The following SLC4A10 variants were observed in gnomAD, a reference collection of about 807,000 sequenced individuals.
SLC4A10 encodes solute carrier family 4 member 10.
A neutral mutation model predicts 137.7 loss-of-function variants in SLC4A10; 42 were observed. The ratio of observed to expected loss-of-function variants is 0.30; its 90% CI spans 0.24 to 0.39. The LOEUF (loss-of-function observed/expected upper bound fraction) is 0.39, where lower values mean the gene tolerates loss of function less well. SLC4A10 is among the 10% of genes least tolerant of loss of function. The pLI is 1.00. For synonymous variants in SLC4A10, 474 were observed against 464.1 expected, an observed-to-expected ratio of 1.02 and a Z score of -0.27; for missense variants, 925 against 1,355.0, an observed-to-expected ratio of 0.68 and a Z score of 4.98.
rs530393431 is a variant in SLC4A10, at chr2:161,936,959, G to T, written c.1998-5833G>T. Among the ~76,000 whole-genome samples, 45 of 152,212 alleles carry T rather than the reference G, an allele frequency of 3.0e-4. No homozygotes were observed. The East Asian group carries it at 6.7e-3, about 23-fold the overall frequency. On this transcript the variant is annotated intron_variant, in intron 15 of 26. Transcript: ENST00000446997. ...ATCTTTCTCCCTTTTTGATGTAAGTGTTTATTGCCATGAACTTTCCTCTTA... is the reference window on the plus strand; with the variant it reads ...ATCTTTCTCCCTTTTTGATGTAAGTTTTTATTGCCATGAACTTTCCTCTTA...
intron 1 of SLC4A10, among the ~76,000 whole-genome samples, chr2:161,658,445 T>C (rs1032025947): frequency 6.6e-6 from 1 of 152,166 alleles, no homozygotes; most frequent in African/African-American, 2.4e-5. Context: ...TGGATAGTAA[T>C]TTTGGCTGAA....
intron 15 of SLC4A10, among the ~76,000 whole-genome samples, chr2:161,937,182 C>A (rs1414461344): frequency 6.6e-6 from 1 of 152,040 alleles, no homozygotes; most frequent in Non-Finnish European, 1.5e-5. Flanking sequence ...TAGTCGCATA[C>A]CATTGTGTTA....
chr2:161,900,785 G>C, intron 11 of SLC4A10, 126 bp from the exon 12 acceptor site: 1 of 641,910 alleles, frequency 1.6e-6, no homozygotes, highest in South Asian at 2.2e-5. Flanking sequence ...CAACAAGTAA[G>C]TACAGAGCCT....
At chr2:161,802,430 T>C (rs768034751) in intron 2 of SLC4A10, among the ~76,000 whole-genome samples, 9 of 152,112 alleles carry the variant, frequency 5.9e-5, no homozygotes, top group Non-Finnish European at 1.2e-4. Context: ...AGTACAAATA[T>C]ATCCACTAAA....
Position 161,965,126 on chromosome 2 carries a change from T to C in SLC4A10, c.3112T>C (p.Leu1038=), listed in dbSNP as rs1175277736. ...TKRELSWLDD[L]MPESKKKKLE... ...GCGGGAACTCAGCTGGTTGGATGATTTGATGCCCGAGAGTAAGAAAAAGAA... is the reference window on the plus strand; with the variant it reads ...GCGGGAACTCAGCTGGTTGGATGATCTGATGCCCGAGAGTAAGAAAAAGAA... Residue 1038 remains leucine, a synonymous_variant, in exon 23 of 27, where the codon TTG becomes CTG. Transcript: ENST00000446997. 2 of 1,612,508 alleles carry C rather than the reference T, an allele frequency of 1.2e-6. No homozygotes were observed. The highest frequency in any genetic ancestry group is 1.3e-5 in the African/African-American group (1 of 74,892).
chr2:161,710,756 G>A (rs2125059285), intron 1 of SLC4A10: 1 of 453,124 alleles, frequency 2.2e-6, no homozygotes, highest in Non-Finnish European at 4.4e-6. Context: ...TTAAAGGTAA[G>A]CTGCCTATAA....
At chr2:161,675,943 A>G (rs2040233962) in intron 1 of SLC4A10, among the ~76,000 whole-genome samples, 1 of 152,160 alleles carries the variant, frequency 6.6e-6, no homozygotes, top group Admixed American at 6.6e-5. Context: ...GAAATCATGT[A>G]CTTTTTCCTT....
intron 11 of SLC4A10, among the ~76,000 whole-genome samples, chr2:161,895,209 C>T (rs1195993563): frequency 6.6e-6 from 1 of 151,932 alleles, no homozygotes; most frequent in Non-Finnish European, 1.5e-5. Context: ...TGATGATTTC[C>T]AATTTCATCC....
chr2:161,636,238 C>A (rs1331289884), intron 1 of SLC4A10, among the ~76,000 whole-genome samples: 2 of 152,022 alleles, frequency 1.3e-5, no homozygotes, highest in South Asian at 4.1e-4. Context: ...TGAGATCATG[C>A]AGTATTTGTC....
chr2:161,734,510 T>C (rs549278143), intron 1 of SLC4A10, among the ~76,000 whole-genome samples: 1 of 152,276 alleles, frequency 6.6e-6, no homozygotes, highest in Admixed American at 6.5e-5. Flanking sequence ...AACCTCTTTT[T>C]CTTCCCAGTC....
At chr2:161,811,386 C>G (rs115103115) in intron 3 of SLC4A10, among the ~76,000 whole-genome samples, 2,645 of 152,004 alleles carry the variant, frequency 0.017, 79 homozygotes, top group African/African-American at 0.06. Flanking sequence ...TTAGTAATCT[C>G]TTTTCTTCTG....
At chr2:161,904,673 G>A in intron 13 of SLC4A10, 103 bp from the exon 14 acceptor site, 1 of 1,410,300 alleles carries the variant, frequency 7.1e-7, no homozygotes, top group Non-Finnish European at 9.6e-7. Context: ...ACTTTTCAGG[G>A]TGAAGCACAA....
intron 1 of SLC4A10, among the ~76,000 whole-genome samples, chr2:161,676,157 G>T (rs958540122): frequency 6.6e-6 from 1 of 152,156 alleles, no homozygotes; most frequent in African/African-American, 2.4e-5. Context: ...GTCATCAGAT[G>T]ATCAAAGCAG....
chr2:161,766,517 T>C (rs1216707875), intron 1 of SLC4A10, among the ~76,000 whole-genome samples: 7 of 152,160 alleles, frequency 4.6e-5, no homozygotes, highest in Non-Finnish European at 7.4e-5. Flanking sequence ...AGTGGAATAG[T>C]GCTTGTTTTG....
Position 161,742,612 on chromosome 2 carries a change from G to A in SLC4A10, c.49-28361G>A, listed in dbSNP as rs986489505. The stretch of plus-strand genomic sequence containing the variant: ...CACGCCACCAGACCTGGCTTTTTTT[G>A]TATTTTTAGTAGAGATGGGGTTTCA... On this transcript the variant is annotated intron_variant, in intron 1 of 26. Coordinates refer to ENST00000446997, the MANE Select transcript of SLC4A10 (RefSeq NM_001178015.2). 8.6e-5 allele frequency among the ~76,000 whole-genome samples: 13 copies of A among 151,112 alleles called. 1 individual carries two copies. The highest frequency in any genetic ancestry group is 7.9e-4 in the Admixed American group (12 of 15,156).
chr2:161,880,423 G>A (rs564413883), intron 9 of SLC4A10, among the ~76,000 whole-genome samples: 1 of 152,252 alleles, frequency 6.6e-6, no homozygotes, highest in African/African-American at 2.4e-5. Flanking sequence ...AGCCAGGAGA[G>A]GCCTCATTTT....
At chr2:161,898,727 C>T (rs749516035) in intron 11 of SLC4A10, among the ~76,000 whole-genome samples, 3 of 152,076 alleles carry the variant, frequency 2.0e-5, no homozygotes, top group Non-Finnish European at 2.9e-5. Flanking sequence ...TCTCTCATGT[C>T]GTGTACTTGC....
At position 161,922,932 on chromosome 2, in the gene SLC4A10, A is replaced by T. The variant is rs570219928; in HGVS notation, c.1997+17045A>T. Among the ~76,000 whole-genome samples, 8 of 152,342 alleles carry T rather than the reference A, an allele frequency of 5.3e-5. No individual in the cohort carries two copies. The East Asian group carries it at 1.5e-3, about 29-fold the overall frequency. On this transcript the variant is annotated intron_variant, in intron 15 of 26. Coordinates refer to ENST00000446997, the MANE Select transcript of SLC4A10 (RefSeq NM_001178015.2). ...CTGAAAAATAAATGAATCACAAACC[A>T]TAACTGTTTAGTGCACACAGGAAGG...
intron 15 of SLC4A10, among the ~76,000 whole-genome samples, chr2:161,938,777 A>C (rs1192877596): frequency 6.6e-6 from 1 of 151,236 alleles, no homozygotes; most frequent in East Asian, 1.9e-4. Context: ...CTCTGAAATG[A>C]GAAAGCAAAC....
Sources: gnomAD v4.1 joint callset for allele counts (sites outside exome capture counted in the v4.1 genomes callset) on GRCh38, gnomAD v4.1.1 for gene constraint, MANE v1.5 for transcripts, NCBI Gene and HGNC (gene_info 2026-07-23, HGNC 2026-07-21) for gene names.